Variants in FER observed in about 807,000 individuals in gnomAD.
FER encodes FER tyrosine kinase, also known as tyrosine-protein kinase Fer.
A neutral mutation model predicts 111.0 loss-of-function variants in FER; 63 were observed. The ratio of observed to expected loss-of-function variants is 0.57; its 90% confidence interval spans 0.46 to 0.70. The LOEUF (loss-of-function observed/expected upper bound fraction) is 0.70. Among genes scored for constraint, FER ranks in the 30% least tolerant of loss-of-function variants. The probability of loss-of-function intolerance (pLI) is 0.00; values close to 1 mark genes in which losing one functional copy is unlikely to be tolerated. For synonymous variants in FER, 327 were observed against 313.9 expected, an observed-to-expected ratio of 1.04 and a Z score of -0.44; for missense variants, 914 against 954.0, an observed-to-expected ratio of 0.96 and a Z score of 0.55.
chr5:109,187,795 C>T lies in FER; in HGVS notation c.*220C>T. 1 of 553,500 alleles carries T rather than the reference C, an allele frequency of 1.8e-6. No homozygotes were observed. The highest frequency in any genetic ancestry group is 3.2e-6 in the Non-Finnish European group (1 of 314,524). The allele number at this position is 553,500 out of a possible 1,614,324, so 34.3% of individuals were successfully genotyped here. ...CCTACCAAGGGCTTTCTTAGCTAAC[C>T]ATAGCAATCCTACCATTTCAGGCCA... On this transcript the variant is annotated 3_prime_UTR_variant, in exon 20 of 20. Coordinates refer to ENST00000281092, the MANE Select transcript of FER (RefSeq NM_005246.4).
rs1213633418 is a variant in FER at position 108,798,810 on chromosome 5, TG to T, written c.207+422del. On this transcript the variant is annotated intron_variant, in intron 3 of 19. Transcript: ENST00000281092. Reference sequence around the variant, plus strand: ...CTGCAGTGAGCCGTGGGTGACAGAGTGAGACCCTGTCTCAAAAAACAAAACA... The same window carrying T: ...CTGCAGTGAGCCGTGGGTGACAGAGTAGACCCTGTCTCAAAAAACAAAACA... Among the ~76,000 whole-genome samples the T allele has an allele frequency of 2.0e-5, 3 of 152,234 alleles. No homozygotes were observed. The East Asian group carries it at 5.8e-4, about 29-fold the overall frequency.
At chr5:108,760,617 C>G (rs758911925) in intron 1 of FER, among the ~76,000 whole-genome samples, 7 of 152,192 alleles carry the variant, frequency 4.6e-5, no homozygotes, top group Admixed American at 6.5e-5. Flanking sequence ...AGCCTCTTTC[C>G]TTCAGCCTCA....
chr5:109,123,437 GAGCCACATC>G (rs1751271213), intron 17 of FER, among the ~76,000 whole-genome samples: 1 of 151,866 alleles, frequency 6.6e-6, no homozygotes, highest in South Asian at 2.1e-4. Context: ...TTACAGGTGT[GAGCCACATC>G]ACCCAGCCTT....
intron 13 of FER, among the ~76,000 whole-genome samples, chr5:108,978,436 T>C (rs1292445960): frequency 1.3e-5 from 2 of 152,228 alleles, no homozygotes; most frequent in Non-Finnish European, 2.9e-5. Flanking sequence ...CGCTGCGCTC[T>C]TTCTTGGAAA....
At chr5:108,927,252 CT>C (rs766702172) in intron 10 of FER, among the ~76,000 whole-genome samples, 5,898 of 95,050 alleles carry the variant, frequency 0.062, 167 homozygotes, top group Middle Eastern at 0.13. Flanking sequence ...AGAAGTGGCT[CT>C]TTTTTTTTTT....
intron 3 of FER, among the ~76,000 whole-genome samples, chr5:108,822,553 A>T (rs750874982): frequency 1.3e-5 from 2 of 152,074 alleles, no homozygotes; most frequent in Non-Finnish European, 2.9e-5. Context: ...GAACTAATCC[A>T]TTGCTACAAG....
chr5:109,003,865 A>G (rs1581605830), intron 13 of FER, among the ~76,000 whole-genome samples: 1 of 152,088 alleles, frequency 6.6e-6, no homozygotes, highest in East Asian at 1.9e-4. Context: ...CTGTAGTCCA[A>G]GCTACTTGGG....
At chr5:109,135,845 C>G (rs910081377) in intron 17 of FER, among the ~76,000 whole-genome samples, 16 of 152,182 alleles carry the variant, frequency 1.1e-4, no homozygotes, top group South Asian at 2.1e-4. Flanking sequence ...GTTCTAATAA[C>G]CAGCGCTCAA....
intron 2 of FER, among the ~76,000 whole-genome samples, chr5:108,773,076 A>G (rs1279794659): frequency 6.6e-6 from 1 of 152,124 alleles, no homozygotes; most frequent in African/African-American, 2.4e-5. Context: ...TTTGCGTTTC[A>G]TAGATTTGGT....
intron 2 of FER, among the ~76,000 whole-genome samples, chr5:108,779,718 A>T (rs1015565330): frequency 6.6e-6 from 1 of 152,146 alleles, no homozygotes; most frequent in Non-Finnish European, 1.5e-5. Flanking sequence ...TACACAGTCA[A>T]TCTTGTCATC....
intron 15 of FER, 94 bp downstream of exon 15, chr5:109,044,889 A>T (rs898785024): frequency 1.5e-6 from 1 of 678,686 alleles, no homozygotes; most frequent in Non-Finnish European, 2.3e-6. Flanking sequence ...GATTTACTGA[A>T]ATAGTAGGGG....
intron 16 of FER, among the ~76,000 whole-genome samples, chr5:109,065,125 A>G (rs1350553353): frequency 6.6e-6 from 1 of 152,204 alleles, no homozygotes; most frequent in African/African-American, 2.4e-5. Context: ...CCAATAACCT[A>G]TCCAATATAT....
At chr5:108,776,864 T>C in intron 2 of FER, among the ~76,000 whole-genome samples, 1 of 152,188 alleles carries the variant, frequency 6.6e-6, no homozygotes, top group Non-Finnish European at 1.5e-5. Context: ...CTTTGTAGGA[T>C]TTTTACTAGT....
At chr5:109,024,092 C>T (rs1003996476) in intron 13 of FER, among the ~76,000 whole-genome samples, 12 of 152,116 alleles carry the variant, frequency 7.9e-5, no homozygotes, top group Non-Finnish European at 1.5e-4. Context: ...GAAAGTTACA[C>T]AGCTAGTGCA....
chr5:109,149,748 T>G (rs1754616553), intron 17 of FER, among the ~76,000 whole-genome samples: 1 of 152,162 alleles, frequency 6.6e-6, no homozygotes, highest in South Asian at 2.1e-4. Flanking sequence ...CAAAACCATG[T>G]GGCTGGGAAT....
At chr5:108,963,435 A>T (rs1005532426) in intron 13 of FER, among the ~76,000 whole-genome samples, 6 of 151,978 alleles carry the variant, frequency 3.9e-5, no homozygotes, top group African/African-American at 1.5e-4. Context: ...GGTGGCACAC[A>T]CCTATAATCC....
intron 16 of FER, among the ~76,000 whole-genome samples, chr5:109,092,978 T>C (rs1410369801): frequency 6.6e-6 from 1 of 152,132 alleles, no homozygotes. Flanking sequence ...CTTGAAAACA[T>C]TGTGCTAAGT....
At chr5:109,124,073 A>C (rs888123695) in intron 17 of FER, among the ~76,000 whole-genome samples, 5 of 152,076 alleles carry the variant, frequency 3.3e-5, no homozygotes, top group African/African-American at 1.2e-4. Flanking sequence ...AAAAATACAA[A>C]AAAAAAATAG....
intron 10 of FER, among the ~76,000 whole-genome samples, chr5:108,922,105 A>C (rs926552233): frequency 6.6e-6 from 1 of 152,180 alleles, no homozygotes; most frequent in Admixed American, 6.5e-5. Flanking sequence ...ATCACAAGCA[A>C]AGGAATGCCT....
Sources: allele counts gnomAD v4.1 joint callset (sites outside exome capture counted in the v4.1 genomes callset), GRCh38; gene constraint gnomAD v4.1.1; transcripts MANE v1.5; gene names NCBI Gene and HGNC (gene_info 2026-07-23, HGNC 2026-07-21).